Variants in SGCZ observed in about 807,000 individuals in gnomAD.
SGCZ encodes sarcoglycan zeta.
Under a neutral mutation model 41.3 loss-of-function variants are expected in SGCZ, and 40 were observed. The observed-to-expected ratio is 0.97, with a 90% CI of 0.75 to 1.26. The LOEUF (loss-of-function observed/expected upper bound fraction) is 1.26, where lower values mean the gene tolerates loss of function less well. Ranked by LOEUF, SGCZ falls within the 50% of genes most tolerant of loss-of-function variation. The pLI, the probability that SGCZ is intolerant of heterozygous loss-of-function variation, is 0.00. For missense variants in SGCZ, 552 were observed against 369.8 expected (o/e 1.49, Z -4.04); for synonymous variants, 206 against 137.5 (o/e 1.50, Z -3.49).
intron 4 of SGCZ, among the ~76,000 whole-genome samples, chr8:14,217,153 C>T (rs182432014): frequency 2.9e-4 from 44 of 151,852 alleles, no homozygotes; most frequent in African/African-American, 8.5e-4. Context: ...AAAAGTTAGC[C>T]GGCATGGTGG....
intron 3 of SGCZ, among the ~76,000 whole-genome samples, chr8:14,298,537 T>C (rs1801091104): frequency 6.6e-6 from 1 of 152,030 alleles, no homozygotes; most frequent in African/African-American, 2.4e-5. Context: ...TATTTCTATA[T>C]ATTGGTAACT....
chr8:14,862,681 G>A (rs1271057627), intron 1 of SGCZ, among the ~76,000 whole-genome samples: 1 of 150,008 alleles, frequency 6.7e-6, no homozygotes, highest in Non-Finnish European at 1.5e-5. Flanking sequence ...TAAAATGACT[G>A]CTGCAGAAAT....
At chr8:14,551,498 T>TATATAATATATATAATATATATATAA (rs1563404310) in intron 2 of SGCZ, among the ~76,000 whole-genome samples, 1 of 10,004 alleles carries the variant, frequency 1.0e-4, no homozygotes, top group Non-Finnish European at 1.6e-4. Flanking sequence ...ATTATATATA[T>TATATAATATATATAATATATATATAA]TATATATATT....
chr8:15,154,990 C>T (rs984089938), intron 1 of SGCZ, among the ~76,000 whole-genome samples: 1 of 152,104 alleles, frequency 6.6e-6, no homozygotes, highest in East Asian at 1.9e-4. Context: ...ATATTCCCAA[C>T]ACCAAGAAAT....
intron 1 of SGCZ, among the ~76,000 whole-genome samples, chr8:14,993,675 C>G (rs1360030460): frequency 6.6e-6 from 1 of 152,186 alleles, no homozygotes; most frequent in Non-Finnish European, 1.5e-5. Flanking sequence ...GGGCAGTGAG[C>G]AAAAGTCCTG....
At chr8:14,691,977 A>G (rs545170878) in intron 1 of SGCZ, among the ~76,000 whole-genome samples, 1 of 152,046 alleles carries the variant, frequency 6.6e-6, no homozygotes, top group African/African-American at 2.4e-5. Flanking sequence ...GATACGTGAA[A>G]TATTAGTAGG....
intron 1 of SGCZ, among the ~76,000 whole-genome samples, chr8:14,954,272 G>T (rs1262425080): frequency 6.6e-6 from 1 of 152,026 alleles, no homozygotes; most frequent in Non-Finnish European, 1.5e-5. Context: ...GTATGGAAAA[G>T]GTTTATAAGT....
intron 2 of SGCZ, among the ~76,000 whole-genome samples, chr8:14,476,804 C>G (rs1211787207): frequency 1.3e-5 from 2 of 152,168 alleles, no homozygotes; most frequent in Non-Finnish European, 2.9e-5. Flanking sequence ...GGTTTGACTT[C>G]TGCATACATA....
chr8:14,971,817 T>A (rs1236135830), intron 1 of SGCZ, among the ~76,000 whole-genome samples: 1 of 151,802 alleles, frequency 6.6e-6, no homozygotes, highest in Non-Finnish European at 1.5e-5. Flanking sequence ...GCCGAGATAA[T>A]CTTTGTATTT....
intron 1 of SGCZ, among the ~76,000 whole-genome samples, chr8:15,200,265 A>G (rs1211878289): frequency 6.6e-6 from 1 of 152,228 alleles, no homozygotes; most frequent in Non-Finnish European, 1.5e-5. Flanking sequence ...TTCAGAGCTA[A>G]ATAAATTGGC....
chr8:15,101,299 G>GA (rs1187003638), intron 1 of SGCZ, among the ~76,000 whole-genome samples: 2 of 152,054 alleles, frequency 1.3e-5, no homozygotes, highest in African/African-American at 2.4e-5. Flanking sequence ...GGAATGAAAA[G>GA]AAAAGTCAAA....
chr8:14,103,602 T>C (rs748382731), intron 6 of SGCZ, among the ~76,000 whole-genome samples: 5 of 152,084 alleles, frequency 3.3e-5, no homozygotes, highest in African/African-American at 7.2e-5. Flanking sequence ...AAAAGTGATA[T>C]GGAAGGAGTA....
chr8:14,095,561 G>C (rs894181416), intron 7 of SGCZ, among the ~76,000 whole-genome samples: 3 of 152,126 alleles, frequency 2.0e-5, no homozygotes, highest in South Asian at 2.1e-4. Flanking sequence ...TGTTCTTTTT[G>C]CTTAGGATTG....
intron 2 of SGCZ, among the ~76,000 whole-genome samples, chr8:14,502,827 T>C (rs1339763460): frequency 1.3e-5 from 2 of 152,104 alleles, no homozygotes; most frequent in Admixed American, 6.6e-5. Context: ...TGTGGAGAAA[T>C]AGGAACACTT....
intron 1 of SGCZ, among the ~76,000 whole-genome samples, chr8:15,056,734 C>T (rs759323954): frequency 7.2e-5 from 11 of 152,168 alleles, no homozygotes; most frequent in African/African-American, 1.2e-4. Context: ...TGAGCTAAGA[C>T]GTCAATATTC....
intron 3 of SGCZ, among the ~76,000 whole-genome samples, chr8:14,250,220 G>A (rs1484862933): frequency 6.6e-6 from 1 of 152,166 alleles, no homozygotes; most frequent in East Asian, 1.9e-4. Context: ...TAGATCTGGA[G>A]TGTGGCCCCA....
chr8:15,074,472 C>T (rs1450007159), intron 1 of SGCZ, among the ~76,000 whole-genome samples: 4 of 152,228 alleles, frequency 2.6e-5, no homozygotes, highest in Non-Finnish European at 5.9e-5. Context: ...GTTTATTCTC[C>T]TTAGTCTTTT....
intron 2 of SGCZ, among the ~76,000 whole-genome samples, chr8:14,354,465 A>G (rs1432961290): frequency 6.6e-6 from 1 of 151,810 alleles, no homozygotes; most frequent in East Asian, 1.9e-4. Flanking sequence ...AAAAATTAGT[A>G]CTCTTGTAGA....
At chr8:14,135,040 G>A (rs1351816797) in intron 5 of SGCZ, among the ~76,000 whole-genome samples, 1 of 151,964 alleles carries the variant, frequency 6.6e-6, no homozygotes, top group Non-Finnish European at 1.5e-5. Flanking sequence ...CAGAGTGTAT[G>A]GTCAAAATTG....
Sources: gnomAD v4.1 joint callset for allele counts (sites outside exome capture counted in the v4.1 genomes callset) on GRCh38, gnomAD v4.1.1 for gene constraint, MANE v1.5 for transcripts, NCBI Gene and HGNC (gene_info 2026-07-23, HGNC 2026-07-21) for gene names.